The following LINGO2 variants were observed in gnomAD, a reference collection of about 807,000 sequenced individuals.
The protein encoded by LINGO2 is leucine-rich repeat and immunoglobulin-like domain-containing nogo receptor-interacting protein 2.
A neutral mutation model predicts 30.6 loss-of-function variants in LINGO2; 14 were observed. The observed-to-expected ratio is 0.46, with a 90% CI of 0.30 to 0.72. The LOEUF (loss-of-function observed/expected upper bound fraction) is 0.72. LINGO2 is among the 30% of genes least tolerant of loss of function. The probability of loss-of-function intolerance (pLI) is 0.07; values close to 1 mark genes in which losing one functional copy is unlikely to be tolerated. For synonymous variants in LINGO2, 317 were observed against 288.5 expected (o/e 1.10, Z -1.00); for missense variants, 729 against 751.7 (o/e 0.97, Z 0.35).
chr9:28,985,346 G>A, the LINGO2 span, among the ~76,000 whole-genome samples: 8 of 152,110 alleles, frequency 5.3e-5, no homozygotes, highest in East Asian at 3.9e-4. Flanking sequence ...AGACACCTCC[G>A]ACAAACTGAC....
At chr9:28,459,141 C>T (rs1824971765) in intron 2 of LINGO2, among the ~76,000 whole-genome samples, 1 of 151,786 alleles carries the variant, frequency 6.6e-6, no homozygotes, top group Non-Finnish European at 1.5e-5. Flanking sequence ...ATAAATGATG[C>T]TTAAATTATG....
At chr9:28,337,356 A>C (rs1825624724) in intron 3 of LINGO2, among the ~76,000 whole-genome samples, 1 of 152,186 alleles carries the variant, frequency 6.6e-6, no homozygotes, top group South Asian at 2.1e-4. Flanking sequence ...AAATGTAAAC[A>C]AATCATTCAA....
At chr9:28,716,496 A>T in the LINGO2 span, among the ~76,000 whole-genome samples, 1 of 152,218 alleles carries the variant, frequency 6.6e-6, no homozygotes, top group African/African-American at 2.4e-5. Context: ...CATGAGCCCT[A>T]AGACCTGCGT....
At chr9:28,093,581 A>G (rs1336541898) in intron 4 of LINGO2, among the ~76,000 whole-genome samples, 2 of 152,060 alleles carry the variant, frequency 1.3e-5, no homozygotes, top group African/African-American at 4.8e-5. Context: ...TTTCTAATTA[A>G]TTATTAATGT....
the LINGO2 span, among the ~76,000 whole-genome samples, chr9:29,068,299 TTAATTTTGAGA>T: frequency 0.2 from 29,707 of 151,532 alleles, 3,033 homozygotes; most frequent in African/African-American, 0.24. Flanking sequence ...TAATATACCA[TTAATTTTGAGA>T]TAATTTTGAG....
At chr9:28,991,847 A>C in the LINGO2 span, among the ~76,000 whole-genome samples, 33 of 150,218 alleles carry the variant, frequency 2.2e-4, no homozygotes, top group East Asian at 6.0e-4. Flanking sequence ...GCCTGCCCTA[A>C]AAGAGCTCCT....
rs56998877 is a variant in LINGO2 at position 28,562,457 on chromosome 9, C to CAAAAAAAAAAAAAAAA, written c.-364-86448_-364-86433dup. Among the ~76,000 whole-genome samples the CAAAAAAAAAAAAAAAA allele has an allele frequency of 2.7e-5, 3 of 109,180 alleles. 1 individual carries two copies. The highest frequency in any genetic ancestry group is 7.4e-5 in the African/African-American group (2 of 27,024). The allele number at this position is 109,180 out of a possible 152,430, so 71.6% of individuals were successfully genotyped here. On this transcript the variant is annotated intron_variant, in intron 1 of 5. Transcript: ENST00000379992. ...GAAATAAGCAATGTGCATTTACTTT[C>CAAAAAAAAAAAAAAAA]AAAAAAAAAAAAAAAAAACAGAAAA...
At chr9:28,188,408 C>T (rs1819620128) in intron 4 of LINGO2, among the ~76,000 whole-genome samples, 1 of 152,072 alleles carries the variant, frequency 6.6e-6, no homozygotes, top group Admixed American at 6.6e-5. Flanking sequence ...TATTAATGGC[C>T]ATCCTCTCTT....
At chr9:28,663,756 C>T (rs1828679241) in intron 1 of LINGO2, among the ~76,000 whole-genome samples, 1 of 152,048 alleles carries the variant, frequency 6.6e-6, no homozygotes, top group African/African-American at 2.4e-5. Flanking sequence ...AATTGTAGCT[C>T]CCTTCACTTC....
upstream of LINGO2, among the ~76,000 whole-genome samples, chr9:28,675,226 T>G (rs1040687880): frequency 1.3e-5 from 2 of 152,186 alleles, no homozygotes; most frequent in African/African-American, 4.8e-5. Context: ...CGATTACAGA[T>G]CTTTCCATTA....
At chr9:28,286,922 C>T (rs1466382088) in intron 4 of LINGO2, among the ~76,000 whole-genome samples, 1 of 152,092 alleles carries the variant, frequency 6.6e-6, no homozygotes, top group Non-Finnish European at 1.5e-5. Context: ...ACAAGTTTAC[C>T]TGTGTAACAA....
chr9:28,394,450 T>G (rs1227969364), intron 2 of LINGO2, among the ~76,000 whole-genome samples: 1 of 152,200 alleles, frequency 6.6e-6, no homozygotes, highest in African/African-American at 2.4e-5. Flanking sequence ...GTGTTCTCTC[T>G]CCCTTCCAGC....
At chr9:28,684,455 C>G in the LINGO2 span, among the ~76,000 whole-genome samples, 1 of 150,128 alleles carries the variant, frequency 6.7e-6, no homozygotes, top group Non-Finnish European at 1.5e-5. Flanking sequence ...TCCCAAAGTG[C>G]TGGGATTACA....
rs118087735 is a variant in LINGO2 at position 28,608,870 on chromosome 9, T to C, written c.-365+61330A>G. Among the ~76,000 whole-genome samples, 258 of 152,078 alleles carry C rather than the reference T, an allele frequency of 1.7e-3. 1 individual carries two copies. The highest frequency in any genetic ancestry group is 2.9e-3 in the Admixed American group (44 of 15,244). ...GTTACTTAGCATATTCATTTTATAG[T>C]TTGTGTTATTTAATTGAGTTCATTT... On this transcript the variant is annotated intron_variant, in intron 1 of 5. Coordinates refer to ENST00000379992, the Ensembl canonical transcript of LINGO2.
chr9:28,444,946 A>G (rs1253350453), intron 2 of LINGO2, among the ~76,000 whole-genome samples: 1 of 152,104 alleles, frequency 6.6e-6, no homozygotes, highest in African/African-American at 2.4e-5. Flanking sequence ...AGCAAGCCAT[A>G]CTCAGGCATA....
At position 28,167,997 on chromosome 9, in the gene LINGO2, C is replaced by G. The variant is rs1828479335; in HGVS notation, c.-87+127211G>C. ...TTTGGTAACCATTCCCAATTTTTCCCTGAGTGGTCATGTTTATACTCCTTC... is the reference window on the plus strand; with the variant it reads ...TTTGGTAACCATTCCCAATTTTTCCGTGAGTGGTCATGTTTATACTCCTTC... On this transcript the variant is annotated intron_variant, in intron 4 of 5. Transcript: ENST00000379992. 1.3e-5 allele frequency among the ~76,000 whole-genome samples: 2 copies of G among 152,204 alleles called. 1 individual carries two copies. Among genetic ancestry groups the G allele is most frequent in the South Asian group, 4.1e-4 (2 of 4,832 alleles).
intron 4 of LINGO2, among the ~76,000 whole-genome samples, chr9:28,152,441 C>G: frequency 6.6e-6 from 1 of 152,128 alleles, no homozygotes. Flanking sequence ...CTTTCACAGA[C>G]AGCAGAACTG....
intron 1 of LINGO2, among the ~76,000 whole-genome samples, chr9:28,497,260 A>C (rs913589764): frequency 6.6e-5 from 10 of 152,176 alleles, no homozygotes; most frequent in African/African-American, 2.2e-4. Flanking sequence ...GTGTTTTCCA[A>C]CTTGGTTCCA....
At chr9:29,150,424 T>C in the LINGO2 span, among the ~76,000 whole-genome samples, 1 of 152,180 alleles carries the variant, frequency 6.6e-6, no homozygotes, top group African/African-American at 2.4e-5. Flanking sequence ...CTTAACCAGT[T>C]TGAAAGAACT....
Sources: gnomAD v4.1 joint callset for allele counts (sites outside exome capture counted in the v4.1 genomes callset) on GRCh38, gnomAD v4.1.1 for gene constraint, MANE v1.5 for transcripts, NCBI Gene and HGNC (gene_info 2026-07-23, HGNC 2026-07-21) for gene names.